The following NCKAP5 variants were observed in gnomAD, a reference collection of about 807,000 sequenced individuals.
The protein encoded by NCKAP5 is NCK associated protein 5.
A neutral mutation model predicts 167.0 loss-of-function variants in NCKAP5; 92 were observed. The observed-to-expected ratio is 0.55, with a 90% CI of 0.47 to 0.66. The LOEUF is 0.66. NCKAP5 is among the 30% of genes least tolerant of loss of function. The probability of loss-of-function intolerance (pLI) is 0.00; values close to 1 mark genes in which losing one functional copy is unlikely to be tolerated. For missense variants in NCKAP5, 2,378 were observed against 2,315.0 expected (o/e 1.03, Z -0.56); for synonymous variants, 891 against 877.4 (o/e 1.02, Z -0.27).
chr2:133,201,951 C>T (rs1039340642), intron 5 of NCKAP5, among the ~76,000 whole-genome samples: 29 of 152,114 alleles, frequency 1.9e-4, no homozygotes, highest in Non-Finnish European at 3.2e-4. Flanking sequence ...ATCAAAATGG[C>T]CATACTGCCC....
At chr2:133,543,233 G>A (rs1448284326) in intron 2 of NCKAP5, among the ~76,000 whole-genome samples, 6 of 151,966 alleles carry the variant, frequency 3.9e-5, no homozygotes, top group Non-Finnish European at 5.9e-5. Flanking sequence ...TCACTCTCTC[G>A]CCATGTGATA....
At chr2:133,200,838 G>A (rs1342726132) in intron 5 of NCKAP5, among the ~76,000 whole-genome samples, 6 of 152,116 alleles carry the variant, frequency 3.9e-5, no homozygotes, top group African/African-American at 1.4e-4. Context: ...ACAAATTGTA[G>A]TGTATTCATA....
At chr2:133,287,505 G>T (rs1679236961) in intron 4 of NCKAP5, among the ~76,000 whole-genome samples, 2 of 152,194 alleles carry the variant, frequency 1.3e-5, no homozygotes, top group Admixed American at 1.3e-4. Flanking sequence ...TTGTCTGATT[G>T]CTGACAACTT....
At chr2:133,607,565 G>A in the NCKAP5 span, among the ~76,000 whole-genome samples, 22 of 152,192 alleles carry the variant, frequency 1.4e-4, no homozygotes, top group African/African-American at 5.1e-4. Context: ...AAGAGACTGA[G>A]GAAGAGAGAC....
intron 5 of NCKAP5, among the ~76,000 whole-genome samples, chr2:133,162,597 C>T (rs1019805843): frequency 6.6e-6 from 1 of 152,156 alleles, no homozygotes; most frequent in African/African-American, 2.4e-5. Context: ...AGACCGTCAC[C>T]TATTACTTGG....
At chr2:133,458,771 A>C (rs1341852398) in intron 3 of NCKAP5, among the ~76,000 whole-genome samples, 1 of 152,190 alleles carries the variant, frequency 6.6e-6, no homozygotes, top group Non-Finnish European at 1.5e-5. Flanking sequence ...GAGGAGGCTG[A>C]TAAGGACTCT....
intron 3 of NCKAP5, among the ~76,000 whole-genome samples, chr2:133,365,651 T>G (rs773424326): frequency 6.6e-6 from 1 of 152,228 alleles, no homozygotes; most frequent in Non-Finnish European, 1.5e-5. Flanking sequence ...TCAGCTATAG[T>G]CAATTTAAAA....
chr2:133,492,005 C>A (rs1319394672), intron 3 of NCKAP5, among the ~76,000 whole-genome samples: 1 of 152,132 alleles, frequency 6.6e-6, no homozygotes, highest in Non-Finnish European at 1.5e-5. Context: ...GTTACCTTCT[C>A]CAGGAGCTCC....
chr2:133,084,102 C>T (rs1344094420), intron 6 of NCKAP5, among the ~76,000 whole-genome samples: 1 of 152,016 alleles, frequency 6.6e-6, no homozygotes, highest in Non-Finnish European at 1.5e-5. Flanking sequence ...TTCAACAATG[C>T]ATGGAAGCAT....
chr2:133,309,657 A>C (rs1312914310), intron 3 of NCKAP5, among the ~76,000 whole-genome samples: 1 of 152,250 alleles, frequency 6.6e-6, no homozygotes, highest in Non-Finnish European at 1.5e-5. Context: ...CAGGGCAATT[A>C]GTATGAAACA....
At chr2:133,396,233 A>AT (rs755496271) in intron 3 of NCKAP5, among the ~76,000 whole-genome samples, 2 of 152,160 alleles carry the variant, frequency 1.3e-5, no homozygotes, top group Admixed American at 6.5e-5. Flanking sequence ...TTGAAAAAGC[A>AT]TAAAGCAATA....
At position 133,517,583 on chromosome 2, in the gene NCKAP5, G is replaced by C. The variant is rs548228438; in HGVS notation, c.-57C>G. 4.2e-5 allele frequency: 51 copies of C among 1,208,778 alleles called. No homozygotes were observed. In the South Asian group the frequency reaches 7.5e-4, roughly 18 times the overall value. The allele number at this position is 1,208,778 out of a possible 1,614,324, so 74.9% of individuals were successfully genotyped here. On this transcript the variant is annotated 5_prime_UTR_variant, in exon 3 of 20. Coordinates refer to ENST00000409261, the MANE Select transcript of NCKAP5 (RefSeq NM_207363.3). ...ATAAGAATCCCCCGTCTGTTTCCAG[G>C]GTCACTGAAAAGAGTGAACATGTGT...
chr2:132,707,993 G>A (rs972755648), intron 19 of NCKAP5, among the ~76,000 whole-genome samples: 1 of 152,112 alleles, frequency 6.6e-6, no homozygotes, highest in Non-Finnish European at 1.5e-5. Context: ...TAGGAACCCA[G>A]TCCTGGCCAG....
chr2:132,944,744 C>T (rs192661201), intron 8 of NCKAP5, among the ~76,000 whole-genome samples: 15 of 152,190 alleles, frequency 9.9e-5, no homozygotes, highest in Admixed American at 3.3e-4. Flanking sequence ...CCTGAAAGAG[C>T]GACATTTTGA....
chr2:132,773,654 A>G (rs1252771213), intron 16 of NCKAP5, among the ~76,000 whole-genome samples, 162 bp downstream of exon 16: 1 of 152,202 alleles, frequency 6.6e-6, no homozygotes. Flanking sequence ...CACTTATTTT[A>G]TGGTAACGTC....
intron 11 of NCKAP5, among the ~76,000 whole-genome samples, chr2:132,807,950 G>A (rs953354881): frequency 1.3e-5 from 2 of 152,082 alleles, no homozygotes; most frequent in African/African-American, 4.8e-5. Context: ...ATTTTGCTAA[G>A]AGTTTTAATC....
intron 4 of NCKAP5, among the ~76,000 whole-genome samples, chr2:133,234,667 C>G (rs1380963434): frequency 6.6e-6 from 1 of 152,038 alleles, no homozygotes; most frequent in Non-Finnish European, 1.5e-5. Flanking sequence ...ATGGGCTAAA[C>G]TGTATGCATT....
chr2:132,693,619 C>CTTTTT (rs1185832600), intron 19 of NCKAP5, among the ~76,000 whole-genome samples: 51 of 84,474 alleles, frequency 6.0e-4, no homozygotes, highest in East Asian at 7.7e-4. Context: ...CCCACCCCGC[C>CTTTTT]TTTTTTTTTT....
chr2:133,001,531 T>A (rs1029154612), intron 6 of NCKAP5, among the ~76,000 whole-genome samples: 1 of 152,194 alleles, frequency 6.6e-6, no homozygotes, highest in African/African-American at 2.4e-5. Context: ...ATTTCAATTA[T>A]TTAAAAATGC....
Sources: gnomAD v4.1 joint callset for allele counts (sites outside exome capture counted in the v4.1 genomes callset) on GRCh38, gnomAD v4.1.1 for gene constraint, MANE v1.5 for transcripts, NCBI Gene and HGNC (gene_info 2026-07-23, HGNC 2026-07-21) for gene names.